Variants in CEMIP2 observed in about 807,000 individuals in gnomAD.
The protein encoded by CEMIP2 is cell migration inducing hyaluronidase 2.
Under a neutral mutation model 146.9 loss-of-function variants are expected in CEMIP2, and 79 were observed. That is an observed-to-expected ratio of 0.54 (90% CI 0.45 to 0.65). CEMIP2 has a LOEUF of 0.65. CEMIP2 is among the 30% of genes least tolerant of loss of function. The pLI is 0.00. For synonymous variants in CEMIP2, 601 were observed against 606.3 expected (o/e 0.99, Z 0.13); for missense variants, 1,596 against 1,696.2 (o/e 0.94, Z 1.04).
chr9:71,739,362 A>C (rs1300099339), intron 5 of CEMIP2, among the ~76,000 whole-genome samples: 1 of 5,502 alleles, frequency 1.8e-4, no homozygotes, highest in Non-Finnish European at 6.7e-4. Context: ...ACTCTGTCTC[A>C]AAAAAAAAAA....
At chr9:71,728,893 G>T (rs75502950) in intron 10 of CEMIP2, among the ~76,000 whole-genome samples, 1 of 151,524 alleles carries the variant, frequency 6.6e-6, no homozygotes, top group African/African-American at 2.4e-5. Flanking sequence ...GTACAGTGGC[G>T]CAATCTTGGC....
In CEMIP2 at chr9:71,715,072, C is replaced by A; in HGVS notation, c.2453G>T (p.Ser818Ile). ...TACCTCTTGGCTGGAACCTTCATCA[C>A]TTGGGAAGCTTCCATCACTGTTAAA... ...LTFASDGSFP[S>I]DEGSSQEVSE... Residue 818 changes from serine (S) to isoleucine (I), a missense_variant, in exon 15 of 24, where the codon AGT (serine) becomes ATT (isoleucine). Transcript: ENST00000377044. 1 of 1,613,640 alleles carries A rather than the reference C, an allele frequency of 6.2e-7. No individual in the cohort carries two copies. Among genetic ancestry groups the A allele is most frequent in the African/African-American group, 1.3e-5 (1 of 74,994 alleles).
At chr9:71,688,308 T>C (rs1288032262) in intron 22 of CEMIP2, among the ~76,000 whole-genome samples, 1 of 152,192 alleles carries the variant, frequency 6.6e-6, no homozygotes, top group Non-Finnish European at 1.5e-5. Context: ...TTGTGTGGTA[T>C]GTCTTAATGT....
intron 21 of CEMIP2, among the ~76,000 whole-genome samples, chr9:71,693,360 G>A (rs999258885): frequency 9.2e-5 from 14 of 152,182 alleles, no homozygotes; most frequent in Admixed American, 1.3e-4. Flanking sequence ...GGTTCTCAGT[G>A]GCTAACCTTG....
intron 11 of CEMIP2, 144 bp from the exon 12 acceptor site, chr9:71,722,659 A>AAG: frequency 8.7e-6 from 5 of 576,738 alleles, no homozygotes; most frequent in East Asian, 2.9e-5. Context: ...TACTGTAAAA[A>AAG]AAAAAAAAAC....
chr9:71,739,400 CTTTT>C (rs544885586), intron 5 of CEMIP2, among the ~76,000 whole-genome samples: 1 of 98,296 alleles, frequency 1.0e-5, no homozygotes, highest in South Asian at 3.3e-4. Context: ...AAGATGACTA[CTTTT>C]TTTTTAGTGG....
intron 7 of CEMIP2, 98 bp from the exon 8 acceptor site, chr9:71,731,012 A>AT: frequency 1.1e-6 from 1 of 918,778 alleles, no homozygotes; most frequent in East Asian, 2.6e-5. Flanking sequence ...GAGAATACTT[A>AT]TTAAAACATT....
At chr9:71,715,236 G>GTTTTTTTTTTTTTTTTTTTT (rs1564005667) in intron 14 of CEMIP2, 147 bp from the exon 15 acceptor site, 1 of 376,128 alleles carries the variant, frequency 2.7e-6, no homozygotes, top group Admixed American at 5.9e-5. Flanking sequence ...TTCAGAAACT[G>GTTTTTTTTTTTTTTTTTTTT]CTTTTTTTTT....
At position 71,684,879 on chromosome 9, in the gene CEMIP2, AC is replaced by A; in HGVS notation, c.*317del. The A allele has an allele frequency of 4.3e-6, 1 of 232,956 alleles. No individual in the cohort carries two copies. Among genetic ancestry groups the A allele is most frequent in the Non-Finnish European group, 8.2e-6 (1 of 121,316 alleles). 14.4% of individuals were successfully genotyped at this position (232,956 alleles called of 1,614,324 possible). On this transcript the variant is annotated 3_prime_UTR_variant, in exon 24 of 24. Transcript: ENST00000377044. The stretch of plus-strand genomic sequence containing the variant: ...GCTGACTCTCAGAAGCCCCCACTCC[AC>A]CCCACCCCATTATACAAAAAGTAAA...
At chr9:71,736,947 G>A (rs919593317) in intron 5 of CEMIP2, among the ~76,000 whole-genome samples, 16 of 151,912 alleles carry the variant, frequency 1.1e-4, no homozygotes, top group South Asian at 8.3e-4. Flanking sequence ...CAGCTAGGGC[G>A]GGAGGATCAC....
chr9:71,717,804 T>C (rs1823110284), intron 13 of CEMIP2, 144 bp downstream of exon 13: 2 of 756,178 alleles, frequency 2.6e-6, no homozygotes, highest in African/African-American at 1.8e-5. Flanking sequence ...AACTCTAGCA[T>C]ACTTCCTCAG....
At chr9:71,705,068 AAT>A in intron 17 of CEMIP2, 1 of 402,684 alleles carries the variant, frequency 2.5e-6, no homozygotes, top group Non-Finnish European at 4.5e-6. Flanking sequence ...TATTCATCAG[AAT>A]ATAAAACTTC....
intron 11 of CEMIP2, among the ~76,000 whole-genome samples, chr9:71,724,609 A>T (rs1307009655): frequency 1.3e-5 from 2 of 152,168 alleles, no homozygotes; most frequent in African/African-American, 4.8e-5. Context: ...CAAAACATTA[A>T]AGTGCCTGTG....
intron 1 of CEMIP2, among the ~76,000 whole-genome samples, chr9:71,766,152 T>A (rs1824785375): frequency 1.3e-5 from 2 of 150,550 alleles, no homozygotes; most frequent in South Asian, 4.2e-4. Flanking sequence ...CACTGCAACC[T>A]CCACCTCCCA....
chr9:71,735,976 C>T (rs1823750766), intron 5 of CEMIP2, among the ~76,000 whole-genome samples: 1 of 152,044 alleles, frequency 6.6e-6, no homozygotes, highest in Non-Finnish European at 1.5e-5. Flanking sequence ...CGCTTGTGGT[C>T]CCAGCTACTT....
At chr9:71,694,285 C>A (rs546704130) in intron 21 of CEMIP2, among the ~76,000 whole-genome samples, 18 of 151,910 alleles carry the variant, frequency 1.2e-4, no homozygotes, top group Non-Finnish European at 2.2e-4. Context: ...CGCCTCTACG[C>A]CCAGCTAATT....
At chr9:71,699,863 A>T (rs1244491766) in intron 19 of CEMIP2, among the ~76,000 whole-genome samples, 1 of 152,224 alleles carries the variant, frequency 6.6e-6, no homozygotes, top group African/African-American at 2.4e-5. Context: ...AGGCAATCCA[A>T]AAGCCACATT....
rs536016500 is a variant in CEMIP2 at position 71,749,503 on chromosome 9, C to G, written c.331+540G>C. ...GGCAGATCACCTGAGGTCAGGAGTTCGAGACCAGCCTGGCCAACATGGTGA... is the reference window on the plus strand; with the variant it reads ...GGCAGATCACCTGAGGTCAGGAGTTGGAGACCAGCCTGGCCAACATGGTGA... On this transcript the variant is annotated intron_variant, in intron 2 of 23. Coordinates refer to ENST00000377044, the MANE Select transcript of CEMIP2 (RefSeq NM_013390.3). 2.6e-5 allele frequency among the ~76,000 whole-genome samples: 4 copies of G among 151,868 alleles called. No individual in the cohort carries two copies. The East Asian group carries it at 7.8e-4, about 29-fold the overall frequency.
In CEMIP2 at chr9:71,766,527, G is replaced by A. The variant is rs11142995; in HGVS notation, c.-13+1830C>T. Among the ~76,000 whole-genome samples, 18 of 152,314 alleles carry A rather than the reference G, an allele frequency of 1.2e-4. No individual in the cohort carries two copies. In the East Asian group the frequency reaches 3.5e-3, roughly 29 times the overall value. ...TGTCTTTTCTTGATAGCTGTTTGAG[G>A]ACAGCATTGATTAGGCCTATTAGAA... On this transcript the variant is annotated intron_variant, in intron 1 of 23. Coordinates refer to ENST00000377044, the MANE Select transcript of CEMIP2 (RefSeq NM_013390.3).
Sources: allele counts gnomAD v4.1 joint callset (sites outside exome capture counted in the v4.1 genomes callset), GRCh38; gene constraint gnomAD v4.1.1; transcripts MANE v1.5; gene names NCBI Gene and HGNC (gene_info 2026-07-23, HGNC 2026-07-21).